GON4L: variants seen among roughly 807,000 people sequenced by gnomAD.
GON4L encodes gon-4 like.
In GON4L, 87 loss-of-function variants were observed where a neutral mutation model predicts 211.8. The ratio of observed to expected loss-of-function variants is 0.41; its 90% CI spans 0.35 to 0.49. GON4L has a LOEUF of 0.49. Among genes scored for constraint, GON4L ranks in the 20% least tolerant of loss-of-function variants. The pLI, the probability that GON4L is intolerant of heterozygous loss-of-function variation, is 0.15. For missense variants in GON4L, 2,155 were observed against 2,659.5 expected, an observed-to-expected ratio of 0.81 and a Z score of 4.17; for synonymous variants, 875 against 962.6, an observed-to-expected ratio of 0.91 and a Z score of 1.68.
intron 19 of GON4L, among the ~76,000 whole-genome samples, chr1:155,767,927 C>A (rs1662706916): frequency 6.6e-6 from 1 of 152,076 alleles, no homozygotes; most frequent in Non-Finnish European, 1.5e-5. Flanking sequence ...ACCTTGGACA[C>A]ATGAAAGCTT....
At chr1:155,831,082 T>C (rs903231217) in intron 2 of GON4L, among the ~76,000 whole-genome samples, 1 of 152,134 alleles carries the variant, frequency 6.6e-6, no homozygotes, top group Non-Finnish European at 1.5e-5. Context: ...ACAGGTCACT[T>C]GAGCTCAGGA....
At chr1:155,823,330 A>C (rs1401003067) in intron 3 of GON4L, among the ~76,000 whole-genome samples, 1 of 152,228 alleles carries the variant, frequency 6.6e-6, no homozygotes, top group African/African-American at 2.4e-5. Flanking sequence ...AGAAAAAAAC[A>C]TGATCTTAAT....
intron 21 of GON4L, 27 bp from the exon 22 acceptor site, chr1:155,763,591 T>C (rs776838260): frequency 1.4e-5 from 19 of 1,397,268 alleles, no homozygotes; most frequent in South Asian, 2.6e-5. Context: ...AGAGTACTTA[T>C]AATGGCTCTT....
chr1:155,794,530 T>C (rs1012073978), intron 12 of GON4L, among the ~76,000 whole-genome samples: 2 of 152,236 alleles, frequency 1.3e-5, no homozygotes, highest in African/African-American at 4.8e-5. Flanking sequence ...GGTTTGCAGA[T>C]GCTCTTCTAT....
At chr1:155,847,139 C>T (rs1228038990) in intron 2 of GON4L, among the ~76,000 whole-genome samples, 2 of 152,240 alleles carry the variant, frequency 1.3e-5, no homozygotes, top group African/African-American at 4.8e-5. Flanking sequence ...GTGAGTTGAA[C>T]ACCGTGAGTT....
At chr1:155,777,580 A>G (rs779890790) in intron 15 of GON4L, 42 bp downstream of exon 15, 1 of 1,473,080 alleles carries the variant, frequency 6.8e-7, no homozygotes, top group Middle Eastern at 1.8e-4. Flanking sequence ...CTCTGTCTCA[A>G]AAAAAAAAAT....
chr1:155,847,469 T>C (rs1409639650), intron 2 of GON4L, among the ~76,000 whole-genome samples: 1 of 152,058 alleles, frequency 6.6e-6, no homozygotes, highest in Non-Finnish European at 1.5e-5. Flanking sequence ...TTTAAGAGGC[T>C]GAGGAGGGCA....
At chr1:155,778,641 C>A (rs962545146) in intron 14 of GON4L, among the ~76,000 whole-genome samples, 3 of 152,170 alleles carry the variant, frequency 2.0e-5, no homozygotes, top group African/African-American at 4.8e-5. Context: ...GTTTGCTGCA[C>A]CTATCAACCC....
intron 2 of GON4L, among the ~76,000 whole-genome samples, chr1:155,853,016 G>A (rs980078050): frequency 6.6e-6 from 1 of 152,074 alleles, no homozygotes; most frequent in Non-Finnish European, 1.5e-5. Flanking sequence ...AGAGACTGAG[G>A]CAGGAGAATC....
upstream of GON4L, among the ~76,000 whole-genome samples, chr1:155,857,656 G>A (rs1270538374): frequency 6.6e-6 from 1 of 152,168 alleles, no homozygotes; most frequent in African/African-American, 2.4e-5. Flanking sequence ...TTGAACCCGG[G>A]AGACGGAGGT....
chr1:155,780,252 CT>C (rs1395686709), intron 14 of GON4L, among the ~76,000 whole-genome samples: 7 of 152,044 alleles, frequency 4.6e-5, no homozygotes, highest in Non-Finnish European at 8.8e-5. Flanking sequence ...AGATTTTTGA[CT>C]TGTTAAGAAA....
intron 1 of GON4L, among the ~76,000 whole-genome samples, chr1:155,854,307 C>T (rs1039295207): frequency 6.6e-6 from 1 of 152,186 alleles, no homozygotes; most frequent in Non-Finnish European, 1.5e-5. Context: ...CGTGCACCAC[C>T]TACGCCTGGC....
At chr1:155,783,508 G>A (rs1296219054) in intron 14 of GON4L, among the ~76,000 whole-genome samples, 1 of 152,170 alleles carries the variant, frequency 6.6e-6, no homozygotes, top group Non-Finnish European at 1.5e-5. Flanking sequence ...TGTAACACAA[G>A]TGCCAACTTT....
At chr1:155,763,934 T>G (rs1284798470) in intron 21 of GON4L, among the ~76,000 whole-genome samples, 2 of 145,462 alleles carry the variant, frequency 1.4e-5, no homozygotes, top group Non-Finnish European at 3.0e-5. Context: ...ACCCGGGAGG[T>G]GGAGGTTGCA....
chr1:155,768,481 G>A (rs1355685539), intron 19 of GON4L, among the ~76,000 whole-genome samples: 2 of 151,378 alleles, frequency 1.3e-5, no homozygotes, highest in Non-Finnish European at 2.9e-5. Context: ...CGTGGTGGCT[G>A]GTGCCTGTAG....
At chr1:155,775,845 C>T (rs189190067) in intron 16 of GON4L, among the ~76,000 whole-genome samples, 30 of 152,168 alleles carry the variant, frequency 2.0e-4, no homozygotes, top group Non-Finnish European at 3.2e-4. Context: ...AGTGCAGTGG[C>T]GCGATCTCAG....
chr1:155,798,625 T>C (rs1666327929), intron 11 of GON4L, among the ~76,000 whole-genome samples: 1 of 144,490 alleles, frequency 6.9e-6, no homozygotes, highest in African/African-American at 2.6e-5. Context: ...TTCACTGTGT[T>C]AGCCAGGATG....
intron 11 of GON4L, among the ~76,000 whole-genome samples, chr1:155,799,120 T>G (rs2102025470): frequency 6.6e-6 from 1 of 152,324 alleles, no homozygotes; most frequent in East Asian, 1.9e-4. Flanking sequence ...TTTAAAAATC[T>G]GTCCGAATAG....
intron 14 of GON4L, among the ~76,000 whole-genome samples, chr1:155,779,992 T>C (rs576669903): frequency 6.6e-6 from 1 of 151,610 alleles, no homozygotes; most frequent in South Asian, 2.1e-4. Flanking sequence ...AGAGACAGGG[T>C]TTCGCCACGT....
Sources: gnomAD v4.1 joint callset for allele counts (sites outside exome capture counted in the v4.1 genomes callset) on GRCh38, gnomAD v4.1.1 for gene constraint, MANE v1.5 for transcripts, NCBI Gene and HGNC (gene_info 2026-07-23, HGNC 2026-07-21) for gene names.